Variants in ASL observed in about 807,000 individuals in gnomAD.
ASL encodes argininosuccinate lyase.
A neutral mutation model predicts 69.1 loss-of-function variants in ASL; 51 were observed. The ratio of observed to expected loss-of-function variants is 0.74; its 90% confidence interval spans 0.59 to 0.93. The LOEUF (loss-of-function observed/expected upper bound fraction) is 0.93. Among genes scored for constraint, ASL ranks in the 40% least tolerant of loss-of-function variants. ASL has a pLI of 0.00. For synonymous variants in ASL, 241 were observed against 247.6 expected (o/e 0.97, Z 0.25); for missense variants, 540 against 623.9 (o/e 0.87, Z 1.43).
At chr7:66,091,804 A>C in intron 14 of ASL, 1 of 610,078 alleles carries the variant, frequency 1.6e-6, no homozygotes, top group Non-Finnish European at 3.0e-6. Context: ...TAAAACATAC[A>C]GGCCAGTAAG....
chr7:66,081,720 G>C (rs1486790195), intron 2 of ASL, 83 bp from the exon 3 acceptor site: 7 of 1,499,846 alleles, frequency 4.7e-6, no homozygotes, highest in Non-Finnish European at 6.3e-6. Flanking sequence ...CATCAGACTT[G>C]ATAAGTTTCC....
intron 2 of ASL, 44 bp downstream of exon 2, chr7:66,076,137 G>C: frequency 1.3e-6 from 2 of 1,576,356 alleles, no homozygotes; most frequent in Non-Finnish European, 1.7e-6. Context: ...GCCTCCAAAG[G>C]AGAGAGTGGG....
intron 8 of ASL, chr7:66,087,045 G>T (rs577157795): frequency 1.5e-6 from 1 of 656,420 alleles, no homozygotes. Context: ...AGCCCAGCCT[G>T]CTGCCCTCAG....
chr7:66,088,954 T>TGACGGCCTCTGTATCCCCCGCC (rs1403322636), intron 11 of ASL, 33 bp downstream of exon 11: 1 of 1,609,350 alleles, frequency 6.2e-7, no homozygotes, highest in Non-Finnish European at 8.5e-7. Flanking sequence ...CATCTGCCGC[T>TGACGGCCTCTGTATCCCCCGCC]GCCGGCCTCT....
In ASL at chr7:66,086,822, G is replaced by A. The variant is rs398123127; in HGVS notation, c.602+1G>A. ...GGATCAATGTCCTGCCCCTGGGGAG[G>A]TGGGTGAGGCTCCAGTGCCCCGAGG... On this transcript the variant is annotated splice_donor_variant, in intron 8 of 16. Transcript: ENST00000304874. LOFTEE classifies it high-confidence loss of function. 2.1e-5 allele frequency: 33 copies of A among 1,572,724 alleles called. No homozygotes were observed. Among genetic ancestry groups the A allele is most frequent in the Non-Finnish European group, 2.8e-5 (32 of 1,159,652 alleles).
At chr7:66,086,107 AAAC>A (rs1188170478) in intron 6 of ASL, among the ~76,000 whole-genome samples, 1 of 152,032 alleles carries the variant, frequency 6.6e-6, no homozygotes, top group African/African-American at 2.4e-5. Flanking sequence ...AAACAAAACA[AAAC>A]AACAAGAAAA....
chr7:66,079,743 C>T (rs1192167222), intron 2 of ASL, among the ~76,000 whole-genome samples: 1 of 152,156 alleles, frequency 6.6e-6, no homozygotes, highest in African/African-American at 2.4e-5. Context: ...CCTCAGCCTC[C>T]TAAGTAGCTG....
Position 66,092,994 on chromosome 7 carries a change from T to C in ASL, c.*82T>C. On this transcript the variant is annotated 3_prime_UTR_variant, in exon 17 of 17. Transcript: ENST00000304874. Reference sequence around the variant, plus strand: ...TCCTGCCCCAGCCTGGCTCCCTCGTTGCTGGGCTTTCGGGGCTGGCCAGTG... The same window carrying C: ...TCCTGCCCCAGCCTGGCTCCCTCGTCGCTGGGCTTTCGGGGCTGGCCAGTG... 1.3e-6 allele frequency: 2 copies of C among 1,536,504 alleles called. No individual in the cohort carries two copies. Among genetic ancestry groups the C allele is most frequent in the Non-Finnish European group, 1.7e-6 (2 of 1,147,628 alleles).
chr7:66,077,733 A>T (rs1301013707), intron 2 of ASL, among the ~76,000 whole-genome samples: 1 of 152,188 alleles, frequency 6.6e-6, no homozygotes, highest in Non-Finnish European at 1.5e-5. Flanking sequence ...CACCTCAAAA[A>T]AAGAAAAAAA....
At chr7:66,080,952 T>G (rs1786487145) in intron 2 of ASL, among the ~76,000 whole-genome samples, 1 of 152,142 alleles carries the variant, frequency 6.6e-6, no homozygotes, top group South Asian at 2.1e-4. Flanking sequence ...AAGGCCTCTT[T>G]GCCTGTCCCT....
At chr7:66,087,486 T>G in intron 9 of ASL, 100 bp downstream of exon 9, 1 of 1,417,892 alleles carries the variant, frequency 7.1e-7, no homozygotes, top group Non-Finnish European at 9.7e-7. Flanking sequence ...CTGTGGCTCC[T>G]GGTGAAACCT....
Position 66,082,411 on chromosome 7 carries a change from A to G in ASL, c.251A>G (p.Asn84Ser), listed in dbSNP as rs759257974. Residue 84 changes from asparagine to serine, a missense_variant, in exon 4 of 17, where the codon AAT becomes AGT. Physicochemically the swap from Asn to Ser is conservative, Grantham distance 46. Coordinates refer to ENST00000304874, the MANE Select transcript of ASL (RefSeq NM_000048.4). ...CAGGGCACCTTCAAACTGAACTCCA[A>G]TGATGAGGACATCCACACAGCCAAT... ...WAQGTFKLNSNDEDIHTANER... is the reference protein window; with the variant it reads ...WAQGTFKLNSSDEDIHTANER... The G allele has an allele frequency of 5.6e-6, 9 of 1,612,446 alleles. No individual in the cohort carries two copies. The Admixed American group carries it at 8.4e-5, about 15-fold the overall frequency.
rs749685338 is a variant in ASL, at chr7:66,092,840, C to T, written c.1323C>T (p.Gly441=). The change falls in exon 17 of 17, where the codon GGC becomes GGT. Residue 441 remains glycine (G), a synonymous_variant. Coordinates refer to ENST00000304874, the MANE Select transcript of ASL (RefSeq NM_000048.4). Reference sequence around the variant, plus strand: ...GTGTGGAGCAGTATGGTGCCCTGGGCGGCACTGCGCGCTCCAGCGTCGACT... The same window carrying T: ...GTGTGGAGCAGTATGGTGCCCTGGGTGGCACTGCGCGCTCCAGCGTCGACT... The part of the protein sequence containing the change: ...GHSVEQYGAL[G]GTARSSVDWQ... 2.2e-5 allele frequency: 36 copies of T among 1,613,436 alleles called. No homozygotes were observed. Among genetic ancestry groups the T allele is most frequent in the Admixed American group, 5.0e-5 (3 of 60,022 alleles).
At chr7:66,092,231 C>A in intron 15 of ASL, 145 bp downstream of exon 15, 1 of 916,304 alleles carries the variant, frequency 1.1e-6, no homozygotes, top group Non-Finnish European at 1.7e-6. Flanking sequence ...GTGGGCGGGT[C>A]ACTTGAGGCC....
chr7:66,080,327 A>C (rs1299140731), intron 2 of ASL, among the ~76,000 whole-genome samples: 1 of 144,230 alleles, frequency 6.9e-6, no homozygotes, highest in Non-Finnish European at 1.5e-5. Context: ...TGGAGCTTGC[A>C]GTGAGCCAAG....
chr7:66,082,847 AGACCGT>A, intron 4 of ASL, 27 bp from the exon 5 acceptor site: 1 of 1,612,908 alleles, frequency 6.2e-7, no homozygotes, highest in South Asian at 1.1e-5. Context: ...CTGGGGGTAT[AGACCGT>A]GACCCTGGGT....
chr7:66,076,685 C>A (rs902041503), intron 2 of ASL, among the ~76,000 whole-genome samples: 8 of 152,264 alleles, frequency 5.3e-5, no homozygotes, highest in Non-Finnish European at 1.0e-4. Flanking sequence ...CACTGAGATG[C>A]TGGATTCCCA....
At chr7:66,083,257 G>A (rs542276512) in intron 6 of ASL, 83 bp downstream of exon 6, 3 of 1,460,332 alleles carry the variant, frequency 2.1e-6, no homozygotes, top group Non-Finnish European at 2.8e-6. Flanking sequence ...GGGGTGAACA[G>A]CGTGGGGGTG....
chr7:66,087,560 G>A, intron 9 of ASL, 169 bp from the exon 10 acceptor site: 1 of 974,910 alleles, frequency 1.0e-6, no homozygotes, highest in Non-Finnish European at 1.6e-6. Context: ...AGGGATGCCT[G>A]GTACTGAGAG....
Sources: allele counts gnomAD v4.1 joint callset (sites outside exome capture counted in the v4.1 genomes callset), GRCh38; gene constraint gnomAD v4.1.1; transcripts MANE v1.5; gene names NCBI Gene and HGNC (gene_info 2026-07-23, HGNC 2026-07-21).